CXADR: variants seen among roughly 807,000 people sequenced by gnomAD.
CXADR encodes CXADR cell adhesion molecule.
A neutral mutation model predicts 40.3 loss-of-function variants in CXADR; 20 were observed. That is an observed-to-expected ratio of 0.50 (90% CI 0.35 to 0.72). CXADR has a LOEUF of 0.72. Ranked by LOEUF, CXADR falls within the 30% of genes least tolerant of loss-of-function variation. CXADR has a pLI of 0.01. For missense variants in CXADR, 332 were observed against 449.1 expected (o/e 0.74, Z 2.36); for synonymous variants, 150 against 161.3 (o/e 0.93, Z 0.53).
At chr21:17,595,848 G>A (rs1043824444), downstream of CXADR, among the ~76,000 whole-genome samples, 2 of 151,942 alleles carry the variant, frequency 1.3e-5, no homozygotes, top group Non-Finnish European at 2.9e-5. Context: ...CACATTTAAC[G>A]TTAAAAAGTT....
downstream of CXADR, among the ~76,000 whole-genome samples, chr21:17,597,173 A>C (rs1345944227): frequency 6.6e-6 from 1 of 152,110 alleles, no homozygotes. Context: ...ATAGTCTTTC[A>C]ACATGAGGGA....
chr21:17,557,277 G>T (rs990705997), intron 3 of CXADR, among the ~76,000 whole-genome samples: 16 of 152,162 alleles, frequency 1.1e-4, no homozygotes, highest in Non-Finnish European at 2.1e-4. Flanking sequence ...TTCTAGTGTT[G>T]CCCGCAGACC....
the CXADR span, among the ~76,000 whole-genome samples, chr21:17,615,492 A>G: frequency 6.6e-6 from 1 of 152,216 alleles, no homozygotes; most frequent in Non-Finnish European, 1.5e-5. Flanking sequence ...TAAATTAGGA[A>G]CAGTAAGAGA....
intron 1 of CXADR, among the ~76,000 whole-genome samples, chr21:17,515,602 G>A (rs141212128): frequency 0.015 from 2,323 of 152,296 alleles, 65 homozygotes; most frequent in African/African-American, 0.053. Context: ...ATGAGGTTAG[G>A]AGATCGAGAC....
chr21:17,589,495 T>C (rs2061419832), intron 7 of CXADR, among the ~76,000 whole-genome samples: 1 of 152,096 alleles, frequency 6.6e-6, no homozygotes, highest in African/African-American at 2.4e-5. Flanking sequence ...ATTCTCTGTA[T>C]TTGTCCCATT....
At chr21:17,587,122 TTAA>T (rs1165527901) in intron 7 of CXADR, among the ~76,000 whole-genome samples, 47 of 152,370 alleles carry the variant, frequency 3.1e-4, no homozygotes, top group African/African-American at 1.1e-3. Context: ...CCACATTTTC[TTAA>T]TCCAGTCTAT....
the CXADR span, among the ~76,000 whole-genome samples, chr21:17,630,650 C>CTTTTTTTTTTTT: frequency 4.5e-4 from 52 of 116,800 alleles, no homozygotes; most frequent in East Asian, 7.4e-4. Context: ...CTTCCTTCTT[C>CTTTTTTTTTTTT]TTTTTTTTTT....
At position 17,554,683 on chromosome 21, in the gene CXADR, G is replaced by A. The variant is rs1462876202; in HGVS notation, c.415+2730G>A. Among the ~76,000 whole-genome samples the A allele has an allele frequency of 2.6e-5, 4 of 152,166 alleles. No homozygotes were observed. In the East Asian group the frequency reaches 5.8e-4, roughly 22 times the overall value. On this transcript the variant is annotated intron_variant, in intron 3 of 6. Coordinates refer to ENST00000284878, the MANE Select transcript of CXADR (RefSeq NM_001338.5). ...GAAACCACCAGAATTATATTCTCTC[G>A]AAGGTGAAAATTAATTGGATTGAAG...
In CXADR at chr21:17,560,780, G is replaced by C. The variant is rs1044796785; in HGVS notation, c.650G>C (p.Arg217Thr). The change falls in exon 5 of 7, where the codon AGA becomes ACA. Residue 217 changes from arginine to threonine, a missense_variant. Transcript: ENST00000284878. ...SGTYSCTVRN[R>T]VGSDQCLLRL... ...ACATACAGCTGTACAGTCAGAAACA[G>C]AGTGGGCTCTGATCAGTGCCTGTTG... is the stretch of plus-strand genomic sequence containing the variant. 1 of 1,613,996 alleles carries C rather than the reference G, an allele frequency of 6.2e-7. No homozygotes were observed. The highest frequency in any genetic ancestry group is 1.1e-5 in the South Asian group (1 of 91,062).
Position 17,538,027 on chromosome 21 carries a change from AGTCTCTCTCT to A in CXADR, c.44-8997_44-8988del, listed in dbSNP as rs1238569186. 4.6e-5 allele frequency among the ~76,000 whole-genome samples: 7 copies of A among 150,630 alleles called. No individual in the cohort carries two copies. The South Asian group carries it at 1.1e-3, about 23-fold the overall frequency. ...CTTTTTTTTTTTCTTTTTAAGATGG[AGTCTCTCTCT>A]GTTGCCCAGGCTGGAGTGCAGTGGT... On this transcript the variant is annotated intron_variant, in intron 1 of 6. Transcript: ENST00000284878.
the CXADR span, chr21:17,604,107 A>G: frequency 2.4e-6 from 3 of 1,273,402 alleles, no homozygotes; most frequent in Non-Finnish European, 3.1e-6. Context: ...AACTTCCATT[A>G]TAAAAATAAA....
intron 7 of CXADR, among the ~76,000 whole-genome samples, chr21:17,580,049 C>T (rs926578842): frequency 6.6e-6 from 1 of 152,156 alleles, no homozygotes; most frequent in Non-Finnish European, 1.5e-5. Flanking sequence ...TCTCAAACTC[C>T]TGGCCTCAGG....
chr21:17,633,551 C>CA, the CXADR span, among the ~76,000 whole-genome samples: 2 of 151,922 alleles, frequency 1.3e-5, no homozygotes, highest in African/African-American at 4.8e-5. Context: ...CAAGACCCCT[C>CA]AAAAAAAATT....
At chr21:17,516,869 T>G (rs1394267901) in intron 1 of CXADR, among the ~76,000 whole-genome samples, 1 of 152,216 alleles carries the variant, frequency 6.6e-6, no homozygotes, top group Admixed American at 6.5e-5. Flanking sequence ...TTCCCTGGAT[T>G]TAACCATTTC....
In CXADR at chr21:17,565,453, C is replaced by T. The variant is rs775797992; in HGVS notation, c.859C>T (p.Arg287Cys). The change falls in exon 7 of 7, where the codon CGT (arginine) becomes TGT (cysteine). Residue 287 changes from arginine (R) to cysteine (C), a missense_variant. Around this residue, in one of 3 missense-constraint regions of CXADR, gnomAD observed 150 missense variants for 194.2 expected, o/e 0.77. Transcript: ENST00000284878. ...GGAAGATGTGCCACCTCCAAAGAGC[C>T]GTACGTCCACTGCCAGAAGCTACAT... ...IREDVPPPKSRTSTARSYIGS... is the reference protein window; with the variant it reads ...IREDVPPPKSCTSTARSYIGS... The T allele has an allele frequency of 4.3e-6, 7 of 1,613,774 alleles. No homozygotes were observed. Among genetic ancestry groups the T allele is most frequent in the Admixed American group, 3.3e-5 (2 of 59,980 alleles).
At chr21:17,516,732 A>C (rs1433875674) in intron 1 of CXADR, among the ~76,000 whole-genome samples, 1 of 152,214 alleles carries the variant, frequency 6.6e-6, no homozygotes, top group Non-Finnish European at 1.5e-5. Context: ...CAAGGGATAC[A>C]AAATTAAATC....
the CXADR span, among the ~76,000 whole-genome samples, chr21:17,620,523 A>G: frequency 1.3e-5 from 2 of 152,242 alleles, no homozygotes; most frequent in African/African-American, 4.8e-5. Context: ...GTATTGTGAG[A>G]ATTACCAAAA....
At chr21:17,525,861 G>A (rs565831350) in intron 1 of CXADR, among the ~76,000 whole-genome samples, 19 of 152,318 alleles carry the variant, frequency 1.2e-4, no homozygotes, top group Admixed American at 3.9e-4. Context: ...TGGCATTGGT[G>A]TTAGAACAGT....
At chr21:17,585,082 C>T (rs556095297) in intron 7 of CXADR, among the ~76,000 whole-genome samples, 1 of 152,032 alleles carries the variant, frequency 6.6e-6, no homozygotes. Flanking sequence ...ATTAAATTAA[C>T]TCTGAAAAAT....
Sources: gnomAD v4.1 joint callset for allele counts (sites outside exome capture counted in the v4.1 genomes callset) on GRCh38, gnomAD v4.1.1 for gene constraint, gnomAD v4.1.1 regional missense constraint, MANE v1.5 for transcripts, NCBI Gene and HGNC (gene_info 2026-07-23, HGNC 2026-07-21) for gene names.